The following MRC2 variants were observed in gnomAD, a reference collection of about 807,000 sequenced individuals.
The protein encoded by MRC2 is mannose receptor C-type 2, also known as C-type mannose receptor 2.
In MRC2, 84 loss-of-function variants were observed where a neutral mutation model predicts 206.2. The ratio of observed to expected loss-of-function variants is 0.41; its 90% CI spans 0.34 to 0.49. The LOEUF is 0.49. Ranked by LOEUF, MRC2 falls within the 20% of genes least tolerant of loss-of-function variation. The probability of loss-of-function intolerance (pLI) is 0.31; values close to 1 mark genes in which losing one functional copy is unlikely to be tolerated. For missense variants in MRC2, 1,676 were observed against 2,001.5 expected (o/e 0.84, Z 3.10); for synonymous variants, 798 against 800.0 (o/e 1.00, Z 0.04).
Position 62,681,920 on chromosome 17 carries a change from A to G in MRC2, c.2786A>G (p.Tyr929Cys). 2 of 1,613,764 alleles carry G rather than the reference A, an allele frequency of 1.2e-6. No homozygotes were observed. Among genetic ancestry groups the G allele is most frequent in the Non-Finnish European group, 1.7e-6 (2 of 1,179,910 alleles). ...RPVGKDKKCV[Y>C]MTASREDWGD... is the part of the protein sequence containing the mutation. ...GTCGGCAAGGACAAGAAGTGCGTGT[A>G]CATGACAGCCAGCCGAGGTGAGGGC... is the stretch of plus-strand genomic sequence containing the variant. The change falls in exon 19 of 30, where the codon TAC becomes TGC. Residue 929 changes from tyrosine (Y) to cysteine (C), a missense_variant. Coordinates refer to ENST00000303375, the MANE Select transcript of MRC2 (RefSeq NM_006039.5).
At chr17:62,653,104 C>G (rs1308955952) in intron 1 of MRC2, among the ~76,000 whole-genome samples, 1 of 152,134 alleles carries the variant, frequency 6.6e-6, no homozygotes, top group Non-Finnish European at 1.5e-5. Context: ...GAGGAAAGGG[C>G]CGGGCGCTGC....
intron 14 of MRC2, 65 bp downstream of exon 14, chr17:62,679,967 G>GA: frequency 2.7e-6 from 4 of 1,504,454 alleles, no homozygotes; most frequent in Non-Finnish European, 3.6e-6. Context: ...CCTGTTTGGG[G>GA]CGGGGCCTGG....
intron 10 of MRC2, 114 bp downstream of exon 10, chr17:62,676,019 T>A: frequency 8.7e-6 from 7 of 808,038 alleles, no homozygotes; most frequent in Non-Finnish European, 1.4e-5. Flanking sequence ...TGGAGTCCTG[T>A]GAACCTCAGT....
At chr17:62,665,097 T>C in intron 2 of MRC2, 148 bp downstream of exon 2, 1 of 972,746 alleles carries the variant, frequency 1.0e-6, no homozygotes, top group Non-Finnish European at 1.5e-6. Context: ...CATTTTTTAA[T>C]AATTAAGAAA....
rs1287176122 is a variant in MRC2 at position 62,664,391 on chromosome 17, T to A, written c.119-157T>A. Among the ~76,000 whole-genome samples, 1 of 152,160 alleles carries A rather than the reference T, an allele frequency of 6.6e-6. No homozygotes were observed. On this transcript the variant is annotated intron_variant, in intron 1 of 29. Transcript: ENST00000303375. The surrounding 1 kb of genome is among the most constrained non-coding windows in gnomAD (Gnocchi z 4.7). ...CTTAGCACTGCCACTCATTTCCACC[T>A]CAGAGGGTTGGTAGTGAGTACCGAG...
Position 62,679,818 on chromosome 17 carries a change from C to G in MRC2, c.2214C>G (p.Ile738Met), listed in dbSNP as rs1209904552. 2.5e-6 allele frequency: 4 copies of G among 1,613,998 alleles called. No individual in the cohort carries two copies. The Admixed American group carries it at 6.7e-5, about 27-fold the overall frequency. Residue 738 changes from isoleucine to methionine, a missense_variant, in exon 14 of 30, where the codon ATC becomes ATG. Coordinates refer to ENST00000303375, the MANE Select transcript of MRC2 (RefSeq NM_006039.5). ...GCTGAAGTGAATCAGAACCCGAGAT[C>G]CACGAGCAGCACTGGTTCTGGATCG... ...NKIFGESEPEIHEQHWFWIGL... is the reference protein window; with the variant it reads ...NKIFGESEPEMHEQHWFWIGL...
chr17:62,648,390 C>T (rs1208301488), intron 1 of MRC2, among the ~76,000 whole-genome samples: 2 of 152,230 alleles, frequency 1.3e-5, no homozygotes, highest in Admixed American at 6.5e-5. Flanking sequence ...CAACTCCTCC[C>T]GTCCCAGTGT....
intron 1 of MRC2, among the ~76,000 whole-genome samples, chr17:62,663,059 A>G (rs1325588084): frequency 6.6e-6 from 1 of 152,214 alleles, no homozygotes; most frequent in African/African-American, 2.4e-5. Context: ...TGTGTTGTGT[A>G]CATAAGTGGC....
rs770423487 is a variant in MRC2, at chr17:62,677,290, T to C, written c.1856T>C (p.Val619Ala). The change falls in exon 12 of 30, where the codon GTG (valine) becomes GCG (alanine). Residue 619 changes from valine to alanine, a missense_variant. Around this residue, in one of 3 missense-constraint regions of MRC2, gnomAD observed 1,354 missense variants for 1,636.6 expected, o/e 0.83. Coordinates refer to ENST00000303375, the MANE Select transcript of MRC2 (RefSeq NM_006039.5). ...DQPGYSRGGC[V>A]ALATGSAMGL... is the part of the protein sequence containing the mutation. ...TCAGGGTACAGCCGTGGGGGCTGCG[T>C]GGCGCTGGCCACTGGCAGCGCCATG... 3.7e-6 allele frequency: 6 copies of C among 1,604,270 alleles called. No individual in the cohort carries two copies. In the South Asian group the frequency reaches 6.7e-5, roughly 18 times the overall value.
chr17:62,633,122 A>G (rs1204527914), intron 1 of MRC2, among the ~76,000 whole-genome samples: 1 of 152,192 alleles, frequency 6.6e-6, no homozygotes, highest in Non-Finnish European at 1.5e-5. Flanking sequence ...TACAAATGAG[A>G]TCATGAACGT....
chr17:62,647,911 A>G (rs1316443402), intron 1 of MRC2, among the ~76,000 whole-genome samples: 1 of 152,158 alleles, frequency 6.6e-6, no homozygotes, highest in Non-Finnish European at 1.5e-5. Flanking sequence ...AGCACGAGGT[A>G]CCTGCTCAGT....
rs559710642 is a variant in MRC2 at position 62,687,692 on chromosome 17, C to T, written c.2947-597C>T. Among the ~76,000 whole-genome samples, 5 of 152,128 alleles carry T rather than the reference C, an allele frequency of 3.3e-5. No homozygotes were observed. In the East Asian group the frequency reaches 7.8e-4, roughly 24 times the overall value. ...CAATAGAGATAAAAGTGTCCTAGGG[C>T]TGGGCGCGGTGAAACCCCGTCTCTA... On this transcript the variant is annotated intron_variant, in intron 20 of 29. Transcript: ENST00000303375.
At chr17:62,689,096 CA>C (rs2089068479) in intron 23 of MRC2, 136 bp downstream of exon 23, 2 of 705,664 alleles carry the variant, frequency 2.8e-6, no homozygotes, top group African/African-American at 1.8e-5. Context: ...GGCAGAAAGG[CA>C]AGGTGCCAAT....
At chr17:62,681,374 C>G (rs896864885) in intron 18 of MRC2, 13 of 574,288 alleles carry the variant, frequency 2.3e-5, no homozygotes, top group African/African-American at 1.9e-5. Flanking sequence ...GCATCCAGCA[C>G]ATTAGTTACT....
At position 62,692,212 on chromosome 17, in the gene MRC2, C is replaced by A; in HGVS notation, c.4220-19C>A. On this transcript the variant is annotated intron_variant, in intron 29 of 29. Coordinates refer to ENST00000303375, the MANE Select transcript of MRC2 (RefSeq NM_006039.5). This position sits in a 1 kb window ranked among gnomAD's most constrained non-coding sequence, Gnocchi z 4.2. ...GGCCTAACGCCCACTTGGCCTTTCA[C>A]GCCCACTCGCCTTGGCAGCGCTTCC... 6.2e-7 allele frequency: 1 copy of A among 1,612,938 alleles called. No homozygotes were observed. The highest frequency in any genetic ancestry group is 8.5e-7 in the Non-Finnish European group (1 of 1,179,322).
At chr17:62,668,897 A>G (rs1278954704) in intron 6 of MRC2, among the ~76,000 whole-genome samples, 2 of 152,056 alleles carry the variant, frequency 1.3e-5, no homozygotes, top group Non-Finnish European at 2.9e-5. Context: ...CAGAGTCCTC[A>G]TTGCAAATGG....
chr17:62,666,594 G>A lies in MRC2; in HGVS notation c.834G>A (p.Glu278=). 6.2e-7 allele frequency: 1 copy of A among 1,600,182 alleles called. No homozygotes were observed. Among genetic ancestry groups the A allele is most frequent in the Non-Finnish European group, 8.5e-7 (1 of 1,173,592 alleles). The part of the protein sequence containing the change: ...QQGADLLSIT[E]IHEQTYINGL... Reference sequence around the variant, plus strand: ...GTGCGGATCTGCTGAGCATCACGGAGATCCACGAGCAGACCTACATCAACG... The same window carrying A: ...GTGCGGATCTGCTGAGCATCACGGAAATCCACGAGCAGACCTACATCAACG... Residue 278 remains glutamate, a synonymous_variant, in exon 4 of 30, where the codon GAG becomes GAA. Coordinates refer to ENST00000303375, the MANE Select transcript of MRC2 (RefSeq NM_006039.5). The surrounding 1 kb of genome is among the most constrained non-coding windows in gnomAD (Gnocchi z 5.0).
chr17:62,655,721 T>TAAAA (rs71155946), intron 1 of MRC2, among the ~76,000 whole-genome samples: 5 of 126,170 alleles, frequency 4.0e-5, no homozygotes, highest in African/African-American at 1.5e-4. Flanking sequence ...TCTGTCTCTT[T>TAAAA]AAAAAAAAAA....
At chr17:62,681,482 G>A (rs1364159590) in intron 18 of MRC2, 1 of 464,218 alleles carries the variant, frequency 2.2e-6, no homozygotes, top group Admixed American at 4.0e-5. Flanking sequence ...GGGCCTCTTT[G>A]TATTTGGTGC....
Sources: gnomAD v4.1 joint callset for allele counts (sites outside exome capture counted in the v4.1 genomes callset) on GRCh38, gnomAD v4.1.1 for gene constraint, gnomAD v4.1.1 regional missense constraint, Gnocchi (gnomAD v3.1) non-coding constraint, MANE v1.5 for transcripts, NCBI Gene and HGNC (gene_info 2026-07-23, HGNC 2026-07-21) for gene names.